Variants in CYP2C19 observed in about 807,000 individuals in gnomAD.
CYP2C19 encodes cytochrome P450 2C19.
Under a neutral mutation model 40.9 loss-of-function variants are expected in CYP2C19, and 59 were observed. That is an observed-to-expected ratio of 1.44 (90% CI 1.17 to 1.79). The LOEUF is 1.79. CYP2C19 is among the 40% of genes most tolerant of loss of function. CYP2C19 has a pLI of 0.00. For synonymous variants in CYP2C19, 253 were observed against 208.7 expected, an observed-to-expected ratio of 1.21 and a Z score of -1.83; for missense variants, 754 against 596.9, an observed-to-expected ratio of 1.26 and a Z score of -2.74.
intron 5 of CYP2C19, among the ~76,000 whole-genome samples, chr10:94,792,141 C>A (rs1256767218): frequency 1.3e-5 from 2 of 152,034 alleles, no homozygotes; most frequent in Non-Finnish European, 1.5e-5. Context: ...CTCTTTTGAT[C>A]TTTGTTGGTT....
rs185348086 is a variant in CYP2C19 at position 94,771,151 on chromosome 10, C to T, written c.169-3907C>T. ...CTGCTGTAAATCAGAGAGGGAGAAG[C>T]GGCCATGTACCCAGGTTGGGCCAAA... On this transcript the variant is annotated intron_variant, in intron 1 of 8. Transcript: ENST00000371321. Among the ~76,000 whole-genome samples the T allele has an allele frequency of 5.1e-4, 78 of 152,054 alleles. No homozygotes were observed. In the East Asian group the frequency reaches 0.012, roughly 24 times the overall value.
chr10:94,814,117 C>T (rs990442944), intron 5 of CYP2C19, among the ~76,000 whole-genome samples: 1 of 151,302 alleles, frequency 6.6e-6, no homozygotes, highest in Non-Finnish European at 1.5e-5. Context: ...ACTGCACCTA[C>T]TGTCTAAACA....
chr10:94,801,547 G>A (rs1848765632), intron 5 of CYP2C19, among the ~76,000 whole-genome samples: 2 of 152,156 alleles, frequency 1.3e-5, no homozygotes, highest in African/African-American at 4.8e-5. Context: ...GTTATGTGGT[G>A]CTGATAAGAA....
At chr10:94,800,665 G>A (rs1218623948) in intron 5 of CYP2C19, among the ~76,000 whole-genome samples, 1 of 152,182 alleles carries the variant, frequency 6.6e-6, no homozygotes, top group Non-Finnish European at 1.5e-5. Flanking sequence ...GAGCTGCAGT[G>A]GGCTCCACCC....
intron 6 of CYP2C19, among the ~76,000 whole-genome samples, chr10:94,831,070 T>C (rs934409344): frequency 2.0e-5 from 3 of 152,252 alleles, no homozygotes; most frequent in African/African-American, 7.2e-5. Context: ...CTACACTTTA[T>C]GTCCATTAGT....
rs535987184 is a variant in CYP2C19, at chr10:94,853,845, C to A, written c.*931C>A. 2.6e-5 allele frequency among the ~76,000 whole-genome samples: 4 copies of A among 151,816 alleles called. No homozygotes were observed. The highest frequency in any genetic ancestry group is 1.3e-4 in the Admixed American group (2 of 15,264). On this transcript the variant is annotated 3_prime_UTR_variant, in exon 9 of 9. Transcript: ENST00000371321. Reference sequence around the variant, plus strand: ...ACAGGAGTGAGACACTGTGCCTGGTCTAATGTTACTTTAAAGTGTCATTAC... The same window carrying A: ...ACAGGAGTGAGACACTGTGCCTGGTATAATGTTACTTTAAAGTGTCATTAC...
At chr10:94,831,231 A>G (rs752355395) in intron 6 of CYP2C19, among the ~76,000 whole-genome samples, 1 of 152,190 alleles carries the variant, frequency 6.6e-6, no homozygotes. Context: ...ATGGCTGAAT[A>G]GAACTCCATT....
intron 5 of CYP2C19, among the ~76,000 whole-genome samples, chr10:94,797,028 G>T (rs149724944): frequency 6.6e-6 from 1 of 152,028 alleles, no homozygotes; most frequent in Non-Finnish European, 1.5e-5. Context: ...CCAACACTGC[G>T]TTGAATAGGA....
intron 3 of CYP2C19, 42 bp downstream of exon 3, chr10:94,775,581 TCTC>T (rs751265581): frequency 6.2e-7 from 1 of 1,613,786 alleles, no homozygotes; most frequent in Non-Finnish European, 8.5e-7. Flanking sequence ...TCTGGACTGC[TCTC>T]CTCTCTACTG....
At chr10:94,829,216 G>T (rs894063948) in intron 6 of CYP2C19, among the ~76,000 whole-genome samples, 3 of 152,186 alleles carry the variant, frequency 2.0e-5, no homozygotes, top group Admixed American at 1.3e-4. Flanking sequence ...GGCCTGCCGT[G>T]CTAGATTGGG....
At chr10:94,781,788 C>A (rs769966695) in intron 4 of CYP2C19, 33 bp from the exon 5 acceptor site, 1 of 1,190,886 alleles carries the variant, frequency 8.4e-7, no homozygotes, top group Admixed American at 3.1e-5. Flanking sequence ...TTATTAAATG[C>A]TTTTAATTTA....
Position 94,850,055 on chromosome 10 carries a change from G to A in CYP2C19, c.1288G>A (p.Ala430Thr). 3.1e-6 allele frequency: 5 copies of A among 1,613,278 alleles called. No individual in the cohort carries two copies. Among genetic ancestry groups the A allele is most frequent in the African/African-American group, 1.3e-5 (1 of 74,990 alleles). The change falls in exon 8 of 9, where the codon GCA (alanine) becomes ACA (threonine). Residue 430 changes from alanine to threonine, a missense_variant. Ala to Thr is a moderately conservative substitution (Grantham distance 58, BLOSUM62 0). Coordinates refer to ENST00000371321, the MANE Select transcript of CYP2C19 (RefSeq NM_000769.4). Reference protein sequence around the residue: ...KKSNYFMPFSAGKRICVGEGL... With the variant: ...KKSNYFMPFSTGKRICVGEGL... ...AAGTAACTACTTCATGCCTTTCTCA[G>A]CAGGTAATATAAATTTATTTCCCTT...
intron 6 of CYP2C19, among the ~76,000 whole-genome samples, chr10:94,830,286 G>A (rs917978439): frequency 2.6e-5 from 4 of 152,222 alleles, no homozygotes; most frequent in African/African-American, 9.7e-5. Flanking sequence ...ATCTCAGACT[G>A]CTGTGCTAGC....
rs1284944772 is a variant in CYP2C19 at position 94,780,603 on chromosome 10, A to C, written c.586A>C (p.Asn196His). The change falls in exon 4 of 9, where the codon AAC becomes CAC. Residue 196 changes from asparagine (N) to histidine (H), a missense_variant. By Grantham distance (68) the Asn-to-His change is moderately conservative. Transcript: ENST00000371321. Reference protein sequence around the residue: ...RFDYKDQQFLNLMEKLNENIR... With the variant: ...RFDYKDQQFLHLMEKLNENIR... ...CGATTATAAAGATCAGCAATTTCTTAACTTGATGGAAAAATTGAATGAAAA... is the reference window on the plus strand; with the variant it reads ...CGATTATAAAGATCAGCAATTTCTTCACTTGATGGAAAAATTGAATGAAAA... 2 of 1,613,730 alleles carry C rather than the reference A, an allele frequency of 1.2e-6. No homozygotes were observed. The highest frequency in any genetic ancestry group is 2.7e-5 in the African/African-American group (2 of 74,906).
intron 1 of CYP2C19, among the ~76,000 whole-genome samples, chr10:94,765,086 T>C (rs1564657757): frequency 6.6e-6 from 1 of 152,080 alleles, no homozygotes; most frequent in Non-Finnish European, 1.5e-5. Context: ...CTATTTGGGA[T>C]TGTAGAGTAA....
At chr10:94,766,819 C>T (rs755184035) in intron 1 of CYP2C19, among the ~76,000 whole-genome samples, 44 of 151,962 alleles carry the variant, frequency 2.9e-4, no homozygotes, top group Non-Finnish European at 3.2e-4. Flanking sequence ...TCAGGTGTGG[C>T]GAATCCAAGA....
At chr10:94,777,182 C>T (rs1848419064) in intron 3 of CYP2C19, among the ~76,000 whole-genome samples, 1 of 152,120 alleles carries the variant, frequency 6.6e-6, no homozygotes, top group Admixed American at 6.5e-5. Flanking sequence ...ACGTTCCATG[C>T]TCATGAATAG....
Position 94,762,842 on chromosome 10 carries a change from A to G in CYP2C19, c.137A>G (p.Asp46Gly), listed in dbSNP as rs755882715. Residue 46 changes from aspartate (D) to glycine (G), a missense_variant, in exon 1 of 9, where the codon GAT (aspartate) becomes GGT (glycine). Asp to Gly is a moderately conservative substitution (Grantham distance 94). Transcript: ENST00000371321. ...LPVIGNILQI[D>G]IKDVSKSLTN... ...GTGATTGGAAATATCCTACAGATAG[A>G]TATTAAGGATGTCAGCAAATCCTTA... 6 of 1,613,966 alleles carry G rather than the reference A, an allele frequency of 3.7e-6. No homozygotes were observed. Among genetic ancestry groups the G allele is most frequent in the Admixed American group, 1.7e-5 (1 of 60,010 alleles).
chr10:94,800,990 C>T (rs574713560), intron 5 of CYP2C19, among the ~76,000 whole-genome samples: 86 of 152,266 alleles, frequency 5.6e-4, no homozygotes, highest in African/African-American at 2.0e-3. Flanking sequence ...GAGGCAGTGC[C>T]CCACCCTTCT....
Sources: allele counts gnomAD v4.1 joint callset (sites outside exome capture counted in the v4.1 genomes callset), GRCh38; gene constraint gnomAD v4.1.1; transcripts MANE v1.5; gene names NCBI Gene and HGNC (gene_info 2026-07-23, HGNC 2026-07-21).